KATNIP: variants seen among roughly 807,000 people sequenced by gnomAD.
KATNIP encodes the protein katanin interacting protein.
Under a neutral mutation model 174.0 loss-of-function variants are expected in KATNIP, and 126 were observed. The ratio of observed to expected loss-of-function variants is 0.72; its 90% CI spans 0.63 to 0.84. The LOEUF (loss-of-function observed/expected upper bound fraction) is 0.84, where lower values mean the gene tolerates loss of function less well. Among genes scored for constraint, KATNIP ranks in the 40% least tolerant of loss-of-function variants. The pLI is 0.00. For synonymous variants in KATNIP, 810 were observed against 835.7 expected, an observed-to-expected ratio of 0.97 and a Z score of 0.53; for missense variants, 1,958 against 2,109.7, an observed-to-expected ratio of 0.93 and a Z score of 1.41.
intron 6 of KATNIP, chr16:27,654,609 A>T (rs1567258668): frequency 7.4e-7 from 1 of 1,352,044 alleles, no homozygotes; most frequent in Non-Finnish European, 9.8e-7. Flanking sequence ...TGTCCCTAGG[A>T]TACCAAATCT....
At chr16:27,769,400 A>G (rs1050461043) in intron 20 of KATNIP, among the ~76,000 whole-genome samples, 1 of 152,242 alleles carries the variant, frequency 6.6e-6, no homozygotes, top group Admixed American at 6.5e-5. Context: ...TTCACGAAGT[A>G]TACAGTTTGT....
chr16:27,655,112 A>AAGAG (rs1333391416), intron 6 of KATNIP, among the ~76,000 whole-genome samples: 2 of 146,012 alleles, frequency 1.4e-5, no homozygotes, highest in Non-Finnish European at 3.0e-5. Flanking sequence ...CTGGATGACA[A>AAGAG]AGAGAGAAGC....
In KATNIP at chr16:27,637,441, G is replaced by A. The variant is rs1461712636; in HGVS notation, c.408+6279G>A. ...AGGACCAAAGGCAAGCAAGGGAGTCGGAAGACAGTGCTACGAAGGAAGGAC... is the reference window on the plus strand; with the variant it reads ...AGGACCAAAGGCAAGCAAGGGAGTCAGAAGACAGTGCTACGAAGGAAGGAC... On this transcript the variant is annotated intron_variant, in intron 5 of 27. Transcript: ENST00000261588. This position sits in a 1 kb window ranked among gnomAD's most constrained non-coding sequence, Gnocchi z 4.7. Among the ~76,000 whole-genome samples, 2 of 152,160 alleles carry A rather than the reference G, an allele frequency of 1.3e-5. No homozygotes were observed. The highest frequency in any genetic ancestry group is 2.4e-5 in the African/African-American group (1 of 41,428).
chr16:27,575,833 A>G (rs1380263976), intron 2 of KATNIP, among the ~76,000 whole-genome samples: 2 of 152,202 alleles, frequency 1.3e-5, no homozygotes, highest in East Asian at 3.8e-4. Flanking sequence ...TGCTGCTGAA[A>G]AGATCTAAGT....
chr16:27,665,311 G>A (rs899915413), intron 6 of KATNIP, among the ~76,000 whole-genome samples: 2 of 151,652 alleles, frequency 1.3e-5, no homozygotes, highest in African/African-American at 4.8e-5. Context: ...CACCATGTTG[G>A]CCGTGCTAGT....
chr16:27,770,806 G>A (rs191632313), intron 21 of KATNIP, among the ~76,000 whole-genome samples: 134 of 152,324 alleles, frequency 8.8e-4, no homozygotes, highest in Non-Finnish European at 1.6e-3. Context: ...TACAGATGTG[G>A]GAACTGAGGC....
chr16:27,749,879 T>C lies in KATNIP; in HGVS notation c.2919T>C (p.Tyr973=), dbSNP rs1290169413. Residue 973 remains tyrosine, a synonymous_variant, in exon 16 of 28, where the codon TAT becomes TAC. Transcript: ENST00000261588. The stretch of plus-strand genomic sequence containing the variant: ...ACTTTAAAATCCCCGTCTTGCCTTA[T>C]GGACAGCGCTTGGTCATTGACATCA... ...GGDFKIPVLP[Y]GQRLVIDIKS... The C allele has an allele frequency of 2.5e-6, 4 of 1,614,080 alleles. No individual in the cohort carries two copies. In the African/African-American group the frequency reaches 4.0e-5, roughly 16 times the overall value.
chr16:27,620,479 T>C (rs2076161041), intron 3 of KATNIP, among the ~76,000 whole-genome samples: 1 of 152,148 alleles, frequency 6.6e-6, no homozygotes, highest in Non-Finnish European at 1.5e-5. Context: ...GCCCGAGGTC[T>C]CACAGCCAGA....
chr16:27,732,646 G>A (rs373084204), intron 14 of KATNIP, among the ~76,000 whole-genome samples: 56 of 152,244 alleles, frequency 3.7e-4, no homozygotes, highest in African/African-American at 1.3e-3. Flanking sequence ...CTCCCTGGAG[G>A]AGTCAGCCCT....
chr16:27,670,252 C>T (rs1755758888), intron 6 of KATNIP, among the ~76,000 whole-genome samples: 1 of 152,080 alleles, frequency 6.6e-6, no homozygotes, highest in African/African-American at 2.4e-5. Context: ...CATTGCCTGC[C>T]CTCTCCTGAT....
At chr16:27,730,829 G>T (rs1012456380) in intron 14 of KATNIP, among the ~76,000 whole-genome samples, 10 of 152,326 alleles carry the variant, frequency 6.6e-5, no homozygotes, top group Admixed American at 5.9e-4. Flanking sequence ...GCCCTGCAAT[G>T]TGTTCGGTTT....
intron 5 of KATNIP, among the ~76,000 whole-genome samples, chr16:27,633,392 G>A (rs905733849): frequency 6.7e-6 from 1 of 148,948 alleles, no homozygotes; most frequent in Non-Finnish European, 1.5e-5. Flanking sequence ...ATTTATTTTT[G>A]TACTATATTT....
chr16:27,580,016 G>A (rs2090636334), intron 2 of KATNIP, among the ~76,000 whole-genome samples: 1 of 151,978 alleles, frequency 6.6e-6, no homozygotes, highest in Non-Finnish European at 1.5e-5. Flanking sequence ...CAGGGACGAG[G>A]TTATCTCGAC....
intron 6 of KATNIP, among the ~76,000 whole-genome samples, chr16:27,669,473 T>C (rs2077810973): frequency 6.6e-6 from 1 of 152,214 alleles, no homozygotes; most frequent in African/African-American, 2.4e-5. Context: ...TAACAAGATT[T>C]TGAAGCAAAG....
At chr16:27,731,215 C>T (rs2080667414) in intron 14 of KATNIP, among the ~76,000 whole-genome samples, 1 of 152,170 alleles carries the variant, frequency 6.6e-6, no homozygotes, top group South Asian at 2.1e-4. Context: ...CCAAACTTAG[C>T]AGAGTTTTGA....
intron 1 of KATNIP, among the ~76,000 whole-genome samples, chr16:27,573,323 A>C (rs2090373865): frequency 6.6e-6 from 1 of 152,268 alleles, no homozygotes; most frequent in Non-Finnish European, 1.5e-5. Flanking sequence ...AGCATATTTA[A>C]ACATTATGAT....
chr16:27,618,128 C>T (rs149818990), intron 2 of KATNIP, among the ~76,000 whole-genome samples: 71 of 152,250 alleles, frequency 4.7e-4, no homozygotes, highest in African/African-American at 1.7e-3. Flanking sequence ...CAGTAGAGCC[C>T]AAATCATGTC....
At chr16:27,656,581 C>T (rs1169919632) in intron 6 of KATNIP, among the ~76,000 whole-genome samples, 3 of 151,318 alleles carry the variant, frequency 2.0e-5, no homozygotes, top group Non-Finnish European at 4.4e-5. Flanking sequence ...AAATGTGGCA[C>T]ATATACACCA....
Position 27,751,691 on chromosome 16 carries a change from CCTTT to C in KATNIP, c.3347-25_3347-22del, listed in dbSNP as rs771848351. On this transcript the variant is annotated intron_variant, in intron 16 of 27. Coordinates refer to ENST00000261588, the MANE Select transcript of KATNIP (RefSeq NM_015202.5). ...ATCTCTGGGATGTGAAGTGAGTTGA[CCTTT>C]CTGTCATCTTGATAACCCATTAGCC... 17 of 1,608,826 alleles carry C rather than the reference CCTTT, an allele frequency of 1.1e-5. 1 individual carries two copies. In the South Asian group the frequency reaches 1.3e-4, roughly 13 times the overall value.
Sources: allele counts gnomAD v4.1 joint callset (sites outside exome capture counted in the v4.1 genomes callset), GRCh38; gene constraint gnomAD v4.1.1; non-coding constraint Gnocchi (gnomAD v3.1); transcripts MANE v1.5; gene names NCBI Gene and HGNC (gene_info 2026-07-23, HGNC 2026-07-21).